Variants in PPM1H observed in about 807,000 individuals in gnomAD.
The protein encoded by PPM1H is protein phosphatase 1H.
PPM1H carries 27 observed loss-of-function variants against 54.9 expected under a neutral mutation model. The observed-to-expected ratio is 0.49, with a 90% CI of 0.36 to 0.68. The LOEUF (loss-of-function observed/expected upper bound fraction) is 0.68. PPM1H is among the 30% of genes least tolerant of loss of function. PPM1H has a pLI of 0.00. For missense variants in PPM1H, 596 were observed against 667.8 expected, an observed-to-expected ratio of 0.89 and a Z score of 1.19; for synonymous variants, 305 against 270.8, an observed-to-expected ratio of 1.13 and a Z score of -1.24.
intron 8 of PPM1H, among the ~76,000 whole-genome samples, chr12:62,679,076 T>C (rs901441843): frequency 6.7e-6 from 1 of 149,744 alleles, no homozygotes; most frequent in African/African-American, 2.5e-5. Context: ...AACCTCTGCC[T>C]TGTGGGTTCA....
intron 1 of PPM1H, among the ~76,000 whole-genome samples, chr12:62,919,830 G>T (rs1871736696): frequency 6.6e-6 from 1 of 152,110 alleles, no homozygotes; most frequent in Non-Finnish European, 1.5e-5. Context: ...TGTGCAAGGG[G>T]CAAAAGGGCA....
At chr12:62,683,084 A>T (rs906002395) in intron 8 of PPM1H, among the ~76,000 whole-genome samples, 3 of 124,316 alleles carry the variant, frequency 2.4e-5, no homozygotes, top group Non-Finnish European at 5.2e-5. Context: ...TATTATTATT[A>T]TTTTTGTAGA....
Position 62,801,952 on chromosome 12 carries a change from GT to G in PPM1H, c.619del (p.Thr207ProfsTer50). The G allele has an allele frequency of 6.2e-7, 1 of 1,612,712 alleles. No homozygotes were observed. Among genetic ancestry groups the G allele is most frequent in the Non-Finnish European group, 8.5e-7 (1 of 1,179,160 alleles). Reference protein sequence around the residue: ...ENTPANSRTLTRAASLRGGVG... With the variant: ...ENTPANSRTLXRAASLRGGVG... The stretch of plus-strand genomic sequence containing the variant: ...CCCTCCGCGCAGGGAGGCTGCCCGG[GT>G]CAGAGTCCGGCTGTTGGCGGGCGTG... On this transcript the variant is annotated frameshift_variant, in exon 3 of 10. Transcript: ENST00000228705. LOFTEE classifies it high-confidence loss of function.
chr12:62,808,038 A>G (rs564232565), intron 2 of PPM1H, among the ~76,000 whole-genome samples: 42 of 152,276 alleles, frequency 2.8e-4, no homozygotes, highest in African/African-American at 9.4e-4. Context: ...AGGTTTTGCT[A>G]TGTTGCCCAG....
chr12:62,707,209 G>A (rs1038048080), intron 6 of PPM1H, among the ~76,000 whole-genome samples: 3 of 152,192 alleles, frequency 2.0e-5, no homozygotes, highest in African/African-American at 7.2e-5. Context: ...TACTATGTGT[G>A]AAGCCTGGAC....
chr12:62,910,126 C>T (rs1871411245), intron 1 of PPM1H, among the ~76,000 whole-genome samples: 1 of 151,904 alleles, frequency 6.6e-6, no homozygotes, highest in Non-Finnish European at 1.5e-5. Context: ...GCACGAAAAG[C>T]CTGGAGTGGA....
intron 1 of PPM1H, among the ~76,000 whole-genome samples, chr12:62,871,433 G>C (rs1213068158): frequency 6.6e-6 from 1 of 152,008 alleles, no homozygotes; most frequent in East Asian, 1.9e-4. Flanking sequence ...TTTCTTTTTG[G>C]GGTGATAAAA....
intron 3 of PPM1H, among the ~76,000 whole-genome samples, chr12:62,794,313 T>G (rs1212892842): frequency 6.6e-6 from 1 of 152,244 alleles, no homozygotes; most frequent in East Asian, 1.9e-4. Context: ...AAACACTAAT[T>G]TATTTATTAT....
chr12:62,661,992 G>A (rs4763190), intron 9 of PPM1H, among the ~76,000 whole-genome samples: 58,947 of 152,094 alleles, frequency 0.39, 11,566 homozygotes, highest in South Asian at 0.48. Context: ...CATCTTCCCC[G>A]AAAGGCATAC....
At chr12:62,899,756 C>A (rs1337609160) in intron 1 of PPM1H, among the ~76,000 whole-genome samples, 1 of 152,196 alleles carries the variant, frequency 6.6e-6, no homozygotes, top group Non-Finnish European at 1.5e-5. Flanking sequence ...GCCAGCCCAA[C>A]CCCATACGTT....
chr12:62,827,782 G>A (rs1868306718), intron 2 of PPM1H, among the ~76,000 whole-genome samples: 1 of 152,022 alleles, frequency 6.6e-6, no homozygotes, highest in Non-Finnish European at 1.5e-5. Flanking sequence ...TCTCAAGGAA[G>A]GCTTTCCTAA....
chr12:62,902,560 C>A (rs1182889124), intron 1 of PPM1H, among the ~76,000 whole-genome samples: 3 of 152,122 alleles, frequency 2.0e-5, no homozygotes, highest in East Asian at 3.9e-4. Flanking sequence ...CTCATGGGGT[C>A]CCCCCGCCCC....
At chr12:62,808,005 T>C (rs1240515485) in intron 2 of PPM1H, among the ~76,000 whole-genome samples, 1 of 152,172 alleles carries the variant, frequency 6.6e-6, no homozygotes, top group Admixed American at 6.5e-5. Context: ...ATCCAGCTCA[T>C]TTTTGTATTT....
chr12:62,735,162 T>C (rs542274640), intron 5 of PPM1H, among the ~76,000 whole-genome samples: 1 of 152,238 alleles, frequency 6.6e-6, no homozygotes, highest in East Asian at 1.9e-4. Flanking sequence ...GAAAGGACTG[T>C]TTGGTAATGA....
intron 1 of PPM1H, among the ~76,000 whole-genome samples, chr12:62,833,627 G>A (rs7299209): frequency 0.018 from 2,665 of 152,224 alleles, 85 homozygotes; most frequent in African/African-American, 0.061. Context: ...CAACCAAATA[G>A]GAAATGGAAA....
At chr12:62,727,552 T>C (rs1171172720) in intron 5 of PPM1H, among the ~76,000 whole-genome samples, 2 of 151,720 alleles carry the variant, frequency 1.3e-5, no homozygotes, top group Admixed American at 6.6e-5. Context: ...ATCCTAAGAA[T>C]ACCTAAATAA....
chr12:62,707,527 C>A (rs1197856837), intron 6 of PPM1H, among the ~76,000 whole-genome samples: 1 of 152,182 alleles, frequency 6.6e-6, no homozygotes, highest in East Asian at 1.9e-4. Flanking sequence ...AACTCTAGGG[C>A]TGCCCAAAGT....
intron 9 of PPM1H, chr12:62,659,335 C>G: frequency 2.2e-6 from 1 of 450,070 alleles, no homozygotes; most frequent in South Asian, 2.3e-5. Flanking sequence ...TCCATAAAGC[C>G]GCCTTTTAAT....
At chr12:62,680,397 G>A (rs1056172333) in intron 8 of PPM1H, among the ~76,000 whole-genome samples, 3 of 151,420 alleles carry the variant, frequency 2.0e-5, no homozygotes, top group Middle Eastern at 3.2e-3. Flanking sequence ...TGCTCAGGCT[G>A]GCCTTGAGCT....
Sources: allele counts gnomAD v4.1 joint callset (sites outside exome capture counted in the v4.1 genomes callset), GRCh38; gene constraint gnomAD v4.1.1; transcripts MANE v1.5; gene names NCBI Gene and HGNC (gene_info 2026-07-23, HGNC 2026-07-21).